CADPS: variants seen among roughly 807,000 people sequenced by gnomAD.
The protein encoded by CADPS is calcium-dependent secretion activator 1.
CADPS carries 57 observed loss-of-function variants against 167.3 expected under a neutral mutation model. The ratio of observed to expected loss-of-function variants is 0.34; its 90% CI spans 0.28 to 0.42. The LOEUF (loss-of-function observed/expected upper bound fraction) is 0.42, where lower values mean the gene tolerates loss of function less well. CADPS is among the 20% of genes least tolerant of loss of function. The pLI, the probability that CADPS is intolerant of heterozygous loss-of-function variation, is 1.00. For synonymous variants in CADPS, 676 were observed against 635.3 expected (o/e 1.06, Z -0.96); for missense variants, 1,414 against 1,738.1 (o/e 0.81, Z 3.32).
intron 21 of CADPS, among the ~76,000 whole-genome samples, chr3:62,490,663 C>T (rs866709570): frequency 3.3e-5 from 5 of 152,158 alleles, no homozygotes; most frequent in Middle Eastern, 6.8e-3. Context: ...TAGGAAAATC[C>T]GGGTTAAACA....
At chr3:62,627,010 C>T (rs2064213992) in intron 6 of CADPS, among the ~76,000 whole-genome samples, 1 of 151,872 alleles carries the variant, frequency 6.6e-6, no homozygotes, top group Admixed American at 6.6e-5. Flanking sequence ...TTTTCAAAGC[C>T]ATATTTGGAA....
At chr3:62,657,519 T>C (rs2071965264) in intron 4 of CADPS, among the ~76,000 whole-genome samples, 1 of 152,178 alleles carries the variant, frequency 6.6e-6, no homozygotes, top group African/African-American at 2.4e-5. Context: ...TTAGACTTAA[T>C]TCCTGGGTGA....
rs546560899 is a variant in CADPS, at chr3:62,421,651, C to A, written c.3777+16453G>T. On this transcript the variant is annotated intron_variant, in intron 28 of 29. Coordinates refer to ENST00000383710, the MANE Select transcript of CADPS (RefSeq NM_003716.4). The surrounding 1 kb of genome is among the most constrained non-coding windows in gnomAD (Gnocchi z 4.7). ...TCCCCCACCCCTCCTGACGCTTCCC[C>A]CTTTTCCCCCCAAAGGAGGGGGAAG... Among the ~76,000 whole-genome samples, 5 of 152,348 alleles carry A rather than the reference C, an allele frequency of 3.3e-5. No individual in the cohort carries two copies. In the South Asian group the frequency reaches 1.0e-3, roughly 32 times the overall value.
chr3:62,595,229 CAGAG>C (rs1465738748), intron 6 of CADPS, among the ~76,000 whole-genome samples: 1 of 151,936 alleles, frequency 6.6e-6, no homozygotes, highest in African/African-American at 2.4e-5. Context: ...ATAGTAGAGA[CAGAG>C]AGGACATGGA....
intron 17 of CADPS, among the ~76,000 whole-genome samples, chr3:62,506,420 T>A (rs976263385): frequency 6.6e-6 from 1 of 152,116 alleles, no homozygotes; most frequent in African/African-American, 2.4e-5. Flanking sequence ...TTAAGACAAT[T>A]AAAAATAATT....
chr3:62,795,401 C>A (rs1362393255), intron 1 of CADPS, among the ~76,000 whole-genome samples: 2 of 152,216 alleles, frequency 1.3e-5, no homozygotes, highest in East Asian at 3.9e-4. Flanking sequence ...TGAGGTAGGG[C>A]CCTTGTTTTT....
At chr3:62,578,033 A>T (rs558802694) in intron 8 of CADPS, among the ~76,000 whole-genome samples, 5 of 152,324 alleles carry the variant, frequency 3.3e-5, no homozygotes, top group South Asian at 2.1e-4. Context: ...TTAAATGCAA[A>T]TAGGCTAAAT....
intron 9 of CADPS, among the ~76,000 whole-genome samples, chr3:62,561,745 T>C (rs1577851598): frequency 6.6e-6 from 1 of 152,180 alleles, no homozygotes; most frequent in Non-Finnish European, 1.5e-5. Context: ...TCTTATCACC[T>C]ATGGGAGACT....
At chr3:62,462,511 G>A (rs1327427573) in intron 26 of CADPS, among the ~76,000 whole-genome samples, 1 of 152,248 alleles carries the variant, frequency 6.6e-6, no homozygotes, top group East Asian at 1.9e-4. Context: ...GGGAAAGGGT[G>A]GCATATTTGT....
At chr3:62,749,989 T>C (rs1466519750) in intron 3 of CADPS, among the ~76,000 whole-genome samples, 1 of 152,198 alleles carries the variant, frequency 6.6e-6, no homozygotes, top group Non-Finnish European at 1.5e-5. Context: ...TGCATATTAT[T>C]TTTTTGTAAA....
intron 5 of CADPS, among the ~76,000 whole-genome samples, chr3:62,649,344 G>T (rs964299167): frequency 6.6e-6 from 1 of 151,958 alleles, no homozygotes; most frequent in Non-Finnish European, 1.5e-5. Context: ...CATTTTAGAT[G>T]CACAATTCAG....
intron 1 of CADPS, among the ~76,000 whole-genome samples, chr3:62,824,733 A>C (rs1407066573): frequency 6.6e-6 from 1 of 152,198 alleles, no homozygotes. Flanking sequence ...TTCTTCCATT[A>C]CGAACTGCTG....
chr3:62,753,370 A>T lies in CADPS; in HGVS notation c.888+71T>A. The T allele has an allele frequency of 8.9e-7, 1 of 1,127,320 alleles. No individual in the cohort carries two copies. The highest frequency in any genetic ancestry group is 1.3e-6 in the Non-Finnish European group (1 of 779,684). 69.8% of individuals were successfully genotyped at this position (1,127,320 alleles called of 1,614,324 possible). On this transcript the variant is annotated intron_variant, in intron 3 of 29. Transcript: ENST00000383710. The surrounding 1 kb of genome is among the most constrained non-coding windows in gnomAD (Gnocchi z 4.6). ...TAATCCTTTTTTTAAAAAAATCAAG[A>T]AGTATCTCATAGAAGTTGGAATGCA...
chr3:62,474,684 A>G (rs2061046433), intron 23 of CADPS, among the ~76,000 whole-genome samples: 1 of 152,210 alleles, frequency 6.6e-6, no homozygotes, highest in African/African-American at 2.4e-5. Flanking sequence ...CCTACCTTGA[A>G]TTACTTCATT....
chr3:62,667,038 T>G (rs2074561217), intron 3 of CADPS, among the ~76,000 whole-genome samples: 1 of 4,408 alleles, frequency 2.3e-4, no homozygotes, highest in African/African-American at 5.0e-4. Flanking sequence ...TCCAATCTTG[T>G]TTTTTTTTTT....
At chr3:62,783,024 T>G (rs1041987318) in intron 1 of CADPS, among the ~76,000 whole-genome samples, 1 of 152,176 alleles carries the variant, frequency 6.6e-6, no homozygotes, top group Non-Finnish European at 1.5e-5. Context: ...CTTCCGAAAG[T>G]GCTGGGATTA....
At position 62,478,454 on chromosome 3, in the gene CADPS, T is replaced by C. The variant is rs2061581070; in HGVS notation, c.3174-38A>G. 2.5e-6 allele frequency: 4 copies of C among 1,587,062 alleles called. No individual in the cohort carries two copies. Among genetic ancestry groups the C allele is most frequent in the Non-Finnish European group, 3.4e-6 (4 of 1,164,072 alleles). On this transcript the variant is annotated intron_variant, in intron 22 of 29. Transcript: ENST00000383710. The surrounding 1 kb of genome is among the most constrained non-coding windows in gnomAD (Gnocchi z 5.7). ...AAATTAGAAAATGAGAGTCACCCACTGGCCTCAGGCTCTACAAAAACTAAC... is the reference window on the plus strand; with the variant it reads ...AAATTAGAAAATGAGAGTCACCCACCGGCCTCAGGCTCTACAAAAACTAAC...
intron 1 of CADPS, among the ~76,000 whole-genome samples, chr3:62,780,627 T>G (rs887268366): frequency 6.6e-5 from 10 of 152,188 alleles, no homozygotes; most frequent in Non-Finnish European, 8.8e-5. Context: ...AGAATACTGA[T>G]AAGTTGCAAA....
chr3:62,838,535 T>A (rs1471778413), intron 1 of CADPS, among the ~76,000 whole-genome samples: 1 of 152,126 alleles, frequency 6.6e-6, no homozygotes, highest in Non-Finnish European at 1.5e-5. Flanking sequence ...TGTGTGGTTT[T>A]GGGGCAGAAA....
Sources: gnomAD v4.1 joint callset for allele counts (sites outside exome capture counted in the v4.1 genomes callset) on GRCh38, gnomAD v4.1.1 for gene constraint, Gnocchi (gnomAD v3.1) non-coding constraint, MANE v1.5 for transcripts, NCBI Gene and HGNC (gene_info 2026-07-23, HGNC 2026-07-21) for gene names.